LRPPRC: variants seen among roughly 807,000 people sequenced by gnomAD.
LRPPRC encodes leucine rich pentatricopeptide repeat containing, also known as leucine-rich PPR motif-containing protein, mitochondrial.
In LRPPRC, 120 loss-of-function variants were observed where a neutral mutation model predicts 180.3. The observed-to-expected ratio is 0.67, with a 90% CI of 0.57 to 0.77. The LOEUF is 0.77. Among genes scored for constraint, LRPPRC ranks in the 30% least tolerant of loss-of-function variants. The probability of loss-of-function intolerance (pLI) is 0.00; values close to 1 mark genes in which losing one functional copy is unlikely to be tolerated. For synonymous variants in LRPPRC, 723 were observed against 600.0 expected, an observed-to-expected ratio of 1.21 and a Z score of -3.00; for missense variants, 2,012 against 1,657.2, an observed-to-expected ratio of 1.21 and a Z score of -3.72.
At chr2:43,975,061 A>C in intron 7 of LRPPRC, 30 bp downstream of exon 7, 1 of 1,606,616 alleles carries the variant, frequency 6.2e-7, no homozygotes, top group African/African-American at 1.3e-5. Flanking sequence ...AAATGATTTT[A>C]AAGTATGTTT....
chr2:43,915,464 T>A (rs374056411), intron 29 of LRPPRC, among the ~76,000 whole-genome samples: 150 of 151,882 alleles, frequency 9.9e-4, no homozygotes, highest in African/African-American at 3.5e-3. Context: ...GGCGGGCAGA[T>A]CACGAAGTCA....
chr2:43,960,487 A>G, intron 13 of LRPPRC, 54 bp downstream of exon 13: 1 of 975,392 alleles, frequency 1.0e-6, no homozygotes, highest in African/African-American at 1.6e-5. Context: ...GCATGCCCTC[A>G]ATAGTAACTG....
intron 13 of LRPPRC, among the ~76,000 whole-genome samples, chr2:43,958,733 A>ACTGTTCTCTACTACCTGACATTTC (rs1673221178): frequency 6.6e-6 from 1 of 152,174 alleles, no homozygotes; most frequent in African/African-American, 2.4e-5. Flanking sequence ...TAATCCATTT[A>ACTGTTCTCTACTACCTGACATTTC]CTGTTCTCTA....
chr2:43,963,618 A>G lies in LRPPRC; in HGVS notation c.1458T>C (p.Asp486=). Residue 486 remains aspartate (D), a synonymous_variant, in exon 12 of 38, where the codon GAT becomes GAC. Coordinates refer to ENST00000260665, the MANE Select transcript of LRPPRC (RefSeq NM_133259.4). Reference sequence around the variant, plus strand: ...AAATGGCTCGTGCTGAGTTTACACTATCAAAGCATGGAATCACATAATCTG... The same window carrying G: ...AAATGGCTCGTGCTGAGTTTACACTGTCAAAGCATGGAATCACATAATCTG... ...TYTDYVIPCF[D]SVNSARAILQ... is the part of the protein sequence containing the mutation. 4 of 1,610,790 alleles carry G rather than the reference A, an allele frequency of 2.5e-6. No individual in the cohort carries two copies. The highest frequency in any genetic ancestry group is 2.5e-6 in the Non-Finnish European group (3 of 1,177,084).
At chr2:43,918,828 T>TAG (rs1671586386) in intron 27 of LRPPRC, among the ~76,000 whole-genome samples, 1 of 146,980 alleles carries the variant, frequency 6.8e-6, no homozygotes, top group Non-Finnish European at 1.5e-5. Context: ...TATATCTATA[T>TAG]ATAGATATCT....
rs1232518428 is a variant in LRPPRC, at chr2:43,886,239, C to T, written c.*2361G>A. ...GCAGCCCACAGATATTTACAGTATA[C>T]TTTATTCAAAGCATTTCAGTTAAAA... On this transcript the variant is annotated 3_prime_UTR_variant, in exon 38 of 38. Coordinates refer to ENST00000260665, the MANE Select transcript of LRPPRC (RefSeq NM_133259.4). 1.3e-5 allele frequency among the ~76,000 whole-genome samples: 2 copies of T among 150,858 alleles called. No individual in the cohort carries two copies. The highest frequency in any genetic ancestry group is 1.3e-4 in the Admixed American group (2 of 15,130).
chr2:43,938,912 G>A (rs991166167), intron 23 of LRPPRC, among the ~76,000 whole-genome samples: 4 of 152,172 alleles, frequency 2.6e-5, no homozygotes, highest in African/African-American at 9.6e-5. Context: ...TCTATTAGTA[G>A]CTTTAAACTT....
chr2:43,888,601 CAAG>C lies in LRPPRC; in HGVS notation c.4181_4183del (p.Ser1394del). The C allele has an allele frequency of 6.3e-7, 1 of 1,577,160 alleles. No homozygotes were observed. ...AAAACAAAGTATCGCCTGGTTATTT[CAAG>C]AAGAGTTTTCCCTCAATTTTCTTAG... On this transcript the variant is annotated inframe_deletion, in exon 38 of 38. Coordinates refer to ENST00000260665, the MANE Select transcript of LRPPRC (RefSeq NM_133259.4).
chr2:43,975,355 T>C (rs1674007341), intron 6 of LRPPRC, 138 bp from the exon 7 acceptor site: 1 of 661,050 alleles, frequency 1.5e-6, no homozygotes, highest in Non-Finnish European at 2.6e-6. Flanking sequence ...AACTAATGTA[T>C]ATTAAACTGG....
intron 18 of LRPPRC, 55 bp downstream of exon 18, chr2:43,948,067 T>C (rs929981192): frequency 1.8e-4 from 212 of 1,160,300 alleles, no homozygotes; most frequent in Non-Finnish European, 2.6e-4. Flanking sequence ...AATTTTAACA[T>C]GCTGTTATAT....
chr2:43,989,509 C>T (rs979738899), intron 1 of LRPPRC, among the ~76,000 whole-genome samples: 1 of 152,170 alleles, frequency 6.6e-6, no homozygotes, highest in Non-Finnish European at 1.5e-5. Context: ...CTATGAAGAT[C>T]CCTTCCAGAT....
chr2:43,933,694 G>C (rs548798071), intron 25 of LRPPRC, among the ~76,000 whole-genome samples: 1 of 152,118 alleles, frequency 6.6e-6, no homozygotes, highest in East Asian at 1.9e-4. Flanking sequence ...AAGCTGCTTA[G>C]CATAGTGGAA....
chr2:43,985,342 A>G (rs545243130), intron 1 of LRPPRC, among the ~76,000 whole-genome samples: 1 of 152,310 alleles, frequency 6.6e-6, no homozygotes, highest in South Asian at 2.1e-4. Flanking sequence ...ATGCTGATAC[A>G]TTATCCATCA....
intron 11 of LRPPRC, among the ~76,000 whole-genome samples, chr2:43,968,048 T>C (rs201087349): frequency 1.3e-5 from 2 of 152,150 alleles, no homozygotes; most frequent in East Asian, 1.9e-4. Flanking sequence ...ACAATTATTA[T>C]TTAGTTAAAG....
chr2:43,985,661 C>T (rs1259654513), intron 1 of LRPPRC, among the ~76,000 whole-genome samples: 1 of 152,168 alleles, frequency 6.6e-6, no homozygotes. Flanking sequence ...CACAGCATGA[C>T]GGCGCACTTC....
At chr2:43,986,055 C>T (rs959214036) in intron 1 of LRPPRC, among the ~76,000 whole-genome samples, 1 of 152,192 alleles carries the variant, frequency 6.6e-6, no homozygotes, top group African/African-American at 2.4e-5. Context: ...TCTCTAATGA[C>T]ATAAGCTGTT....
At chr2:43,908,040 T>C (rs1457992803) in intron 30 of LRPPRC, among the ~76,000 whole-genome samples, 1 of 152,168 alleles carries the variant, frequency 6.6e-6, no homozygotes, top group Admixed American at 6.5e-5. Context: ...GGTGATTATA[T>C]TATTTAGGAT....
In LRPPRC at chr2:43,887,062, C is replaced by G. The variant is rs1670293971; in HGVS notation, c.*1538G>C. ...GTGGGAGGCTGAGGCACAAGAATCA[C>G]TTGAACCCAGGAGGCGGAGGTTGCA... is the stretch of plus-strand genomic sequence containing the variant. On this transcript the variant is annotated 3_prime_UTR_variant, in exon 38 of 38. Transcript: ENST00000260665. 3 of 147,104 alleles carry G rather than the reference C, an allele frequency of 2.0e-5. No individual in the cohort carries two copies. In the Admixed American group the frequency reaches 2.1e-4, roughly 10 times the overall value. 9.1% of individuals were successfully genotyped at this position (147,104 alleles called of 1,614,324 possible).
chr2:43,889,943 C>A, intron 36 of LRPPRC, 67 bp from the exon 37 acceptor site: 1 of 1,180,334 alleles, frequency 8.5e-7, no homozygotes, highest in Non-Finnish European at 1.3e-6. Context: ...TTCACCAAAA[C>A]AGCCACTCAG....
Sources: allele counts gnomAD v4.1 joint callset (sites outside exome capture counted in the v4.1 genomes callset), GRCh38; gene constraint gnomAD v4.1.1; transcripts MANE v1.5; gene names NCBI Gene and HGNC (gene_info 2026-07-23, HGNC 2026-07-21).